The following UCHL5 variants were observed in gnomAD, a reference collection of about 807,000 sequenced individuals.
The protein encoded by UCHL5 is ubiquitin carboxyl-terminal hydrolase isozyme L5.
A neutral mutation model predicts 53.8 loss-of-function variants in UCHL5; 34 were observed. The observed-to-expected ratio is 0.63, with a 90% CI of 0.48 to 0.84. UCHL5 has a LOEUF of 0.84. Ranked by LOEUF, UCHL5 falls within the 40% of genes least tolerant of loss-of-function variation. The pLI, the probability that UCHL5 is intolerant of heterozygous loss-of-function variation, is 0.00. For synonymous variants in UCHL5, 111 were observed against 126.3 expected (o/e 0.88, Z 0.81); for missense variants, 290 against 385.6 (o/e 0.75, Z 2.08).
intron 1 of UCHL5, among the ~76,000 whole-genome samples, chr1:193,054,928 T>C (rs1166172407): frequency 2.6e-5 from 4 of 152,226 alleles, no homozygotes; most frequent in Admixed American, 6.5e-5. Context: ...CCTGGATTAA[T>C]GCTCTGAGCC....
Position 193,015,538 on chromosome 1 carries a change from C to T in UCHL5, c.*813G>A, listed in dbSNP as rs1008648316. On this transcript the variant is annotated 3_prime_UTR_variant, in exon 11 of 11. Coordinates refer to ENST00000367454, the MANE Select transcript of UCHL5 (RefSeq NM_001199261.3). ...CATAGAAAGACCCCCATCACCACTA[C>T]CATCTTTTTAAAAAAGCAGATAACA... 1.3e-5 allele frequency: 2 copies of T among 151,974 alleles called. No homozygotes were observed. The highest frequency in any genetic ancestry group is 4.8e-5 in the African/African-American group (2 of 41,410). 9.4% of individuals were successfully genotyped at this position (151,974 alleles called of 1,614,324 possible).
intron 8 of UCHL5, 61 bp from the exon 9 acceptor site, chr1:193,023,097 T>A: frequency 8.1e-7 from 1 of 1,240,238 alleles, no homozygotes; most frequent in Admixed American, 1.9e-5. Flanking sequence ...ATTCAGAATA[T>A]TTTAAAATGA....
intron 3 of UCHL5, among the ~76,000 whole-genome samples, chr1:193,035,262 T>C (rs1295686032): frequency 1.3e-5 from 2 of 151,910 alleles, no homozygotes; most frequent in Non-Finnish European, 2.9e-5. Context: ...AAAATAAAAC[T>C]ACCCAAAGAA....
intron 3 of UCHL5, among the ~76,000 whole-genome samples, chr1:193,043,167 A>T (rs1215065620): frequency 6.7e-6 from 1 of 148,600 alleles, no homozygotes; most frequent in African/African-American, 2.5e-5. Context: ...AAAAAAAAAA[A>T]AAAAAAAAAC....
At chr1:193,022,711 C>T (rs542499170) in intron 9 of UCHL5, among the ~76,000 whole-genome samples, 8 of 149,780 alleles carry the variant, frequency 5.3e-5, no homozygotes, top group Admixed American at 5.3e-4. Flanking sequence ...AACTGAAACA[C>T]CAAATAGGTT....
In UCHL5 at chr1:193,028,131, C is replaced by A. The variant is rs760071291; in HGVS notation, c.583G>T (p.Asp195Tyr). Residue 195 changes from aspartate (D) to tyrosine (Y), a missense_variant, in exon 7 of 11, where the codon GAT (aspartate) becomes TAT (tyrosine). Transcript: ENST00000367454. ...PIDLGACNQD[D>Y]WISAVRPVIE... The stretch of plus-strand genomic sequence containing the variant: ...ACAGGCCTTACTGCACTGATCCAAT[C>A]ATCTTGATTGCATGCACCTAGAAAG... The A allele has an allele frequency of 1.9e-6, 3 of 1,601,474 alleles. No homozygotes were observed. The highest frequency in any genetic ancestry group is 2.6e-6 in the Non-Finnish European group (3 of 1,175,526).
intron 3 of UCHL5, among the ~76,000 whole-genome samples, chr1:193,043,169 A>AAAAAAAAAAAAAAC (rs1558122949): frequency 6.8e-6 from 1 of 147,712 alleles, no homozygotes; most frequent in Non-Finnish European, 1.5e-5. Flanking sequence ...AAAAAAAAAA[A>AAAAAAAAAAAAAAC]AAAAAAACCA....
At chr1:193,038,840 C>T (rs1187430993) in intron 3 of UCHL5, among the ~76,000 whole-genome samples, 1 of 150,774 alleles carries the variant, frequency 6.6e-6, no homozygotes, top group East Asian at 1.9e-4. Context: ...ACAGAAAATT[C>T]TAAAAATTAG....
chr1:193,019,214 C>G (rs1452992083), intron 10 of UCHL5, among the ~76,000 whole-genome samples: 1 of 151,462 alleles, frequency 6.6e-6, no homozygotes, highest in African/African-American at 2.4e-5. Flanking sequence ...TTTAGCCTGA[C>G]TTTATCCTGG....
rs867736011 is a variant in UCHL5, at chr1:193,013,958, T to C, written c.*2393A>G. On this transcript the variant is annotated 3_prime_UTR_variant, in exon 11 of 11. Transcript: ENST00000367454. ...AGTGCCGCAGCTGTTGGCAAGGTTT[T>C]TGTTGATAATAACAGAAGTACATCC... 2.3e-4 allele frequency: 35 copies of C among 152,304 alleles called. 1 individual carries two copies. Among genetic ancestry groups the C allele is most frequent in the African/African-American group, 7.9e-4 (33 of 41,566 alleles). 9.4% of individuals were successfully genotyped at this position (152,304 alleles called of 1,614,324 possible).
At chr1:193,052,978 G>T (rs1396162837) in intron 1 of UCHL5, among the ~76,000 whole-genome samples, 1 of 152,108 alleles carries the variant, frequency 6.6e-6, no homozygotes, top group African/African-American at 2.4e-5. Context: ...AGAAAAAAAA[G>T]TTGGGTAAAC....
chr1:193,022,641 T>C (rs1431885819), intron 9 of UCHL5, among the ~76,000 whole-genome samples: 2 of 135,068 alleles, frequency 1.5e-5, no homozygotes, highest in Non-Finnish European at 3.1e-5. Flanking sequence ...ACTCCAGCCT[T>C]GGCGACAGAG....
intron 7 of UCHL5, among the ~76,000 whole-genome samples, chr1:193,026,556 C>T (rs1193748065): frequency 1.3e-5 from 2 of 152,150 alleles, no homozygotes; most frequent in Admixed American, 1.3e-4. Context: ...TATCACTATA[C>T]ATCTATTAGA....
chr1:193,048,747 A>AT (rs1195267839), intron 3 of UCHL5, among the ~76,000 whole-genome samples: 3 of 152,256 alleles, frequency 2.0e-5, no homozygotes, highest in Admixed American at 2.0e-4. Context: ...TAAGGCAGAC[A>AT]TTTAAAAGAT....
rs1657620027 is a variant in UCHL5, at chr1:193,022,806, A to C, written c.843+120T>G. ...TCTTTGTAGTGATAAGAGAATCAACAAATTATTTGAAATCTGGTAAATGAT... is the reference window on the plus strand; with the variant it reads ...TCTTTGTAGTGATAAGAGAATCAACCAATTATTTGAAATCTGGTAAATGAT... On this transcript the variant is annotated intron_variant, in intron 9 of 10. Transcript: ENST00000367454. 42 of 649,980 alleles carry C rather than the reference A, an allele frequency of 6.5e-5. No individual in the cohort carries two copies. In the East Asian group the frequency reaches 1.2e-3, roughly 18 times the overall value. The allele number at this position is 649,980 out of a possible 1,614,324, so 40.3% of individuals were successfully genotyped here.
At chr1:193,022,824 T>C in intron 9 of UCHL5, 102 bp downstream of exon 9, 1 of 729,592 alleles carries the variant, frequency 1.4e-6, no homozygotes, top group Non-Finnish European at 2.3e-6. Flanking sequence ...TGAAATCTGG[T>C]AAATGATAGG....
chr1:193,047,983 T>C (rs1667880029), intron 3 of UCHL5, among the ~76,000 whole-genome samples: 1 of 69,934 alleles, frequency 1.4e-5, no homozygotes, highest in Admixed American at 1.4e-4. Flanking sequence ...ATTTTGACCT[T>C]GGAGTACAAG....
intron 7 of UCHL5, among the ~76,000 whole-genome samples, chr1:193,026,286 A>G (rs893897933): frequency 6.6e-5 from 10 of 152,120 alleles, no homozygotes; most frequent in African/African-American, 2.4e-4. Flanking sequence ...ATAGTGTCAA[A>G]TATTGATAAA....
intron 1 of UCHL5, among the ~76,000 whole-genome samples, chr1:193,052,481 C>A (rs1669366573): frequency 6.6e-6 from 1 of 152,152 alleles, no homozygotes; most frequent in African/African-American, 2.4e-5. Context: ...CTACGTTGCA[C>A]AGGACAACCC....
Sources: allele counts gnomAD v4.1 joint callset (sites outside exome capture counted in the v4.1 genomes callset), GRCh38; gene constraint gnomAD v4.1.1; transcripts MANE v1.5; gene names NCBI Gene and HGNC (gene_info 2026-07-23, HGNC 2026-07-21).